The following LMF1 variants were observed in gnomAD, a reference collection of about 807,000 sequenced individuals.
LMF1 encodes the protein transmembrane protein 112.
A neutral mutation model predicts 60.6 loss-of-function variants in LMF1; 68 were observed. The observed-to-expected ratio is 1.12, with a 90% CI of 0.92 to 1.37. The LOEUF (loss-of-function observed/expected upper bound fraction) is 1.37. Among genes scored for constraint, LMF1 ranks in the 40% most tolerant of loss-of-function variants. The pLI, the probability that LMF1 is intolerant of heterozygous loss-of-function variation, is 0.00. For missense variants in LMF1, 948 were observed against 767.2 expected (o/e 1.24, Z -2.78); for synonymous variants, 418 against 324.7 (o/e 1.29, Z -3.09).
chr16:956,972 T>C (rs1396061468), intron 1 of LMF1, among the ~76,000 whole-genome samples: 3 of 151,996 alleles, frequency 2.0e-5, no homozygotes, highest in East Asian at 1.9e-4. Context: ...CTGGCCAATA[T>C]GGCAAAACCC....
intron 2 of LMF1, among the ~76,000 whole-genome samples, chr16:944,008 G>A (rs1232563121): frequency 6.6e-6 from 1 of 152,232 alleles, no homozygotes; most frequent in East Asian, 1.9e-4. Context: ...CTGGTAAGCA[G>A]CTGAGCTACT....
intron 1 of LMF1, chr16:981,103 G>A (rs767888308): frequency 2.4e-5 from 9 of 380,432 alleles, no homozygotes; most frequent in South Asian, 9.2e-5. Context: ...GGGCGGCCCG[G>A]GGTCCCCCAG....
intron 3 of LMF1, among the ~76,000 whole-genome samples, chr16:914,689 T>C (rs1596983822): frequency 1.4e-3 from 4 of 2,844 alleles, no homozygotes; most frequent in African/African-American, 3.8e-3. Context: ...CCCATGACCA[T>C]TGGTGACACA....
chr16:892,784 G>A (rs999998888), intron 5 of LMF1, among the ~76,000 whole-genome samples: 1 of 152,204 alleles, frequency 6.6e-6, no homozygotes. Flanking sequence ...CAAACCAGCT[G>A]CACTCGAGAC....
chr16:869,217 G>A, intron 9 of LMF1, 161 bp from the exon 10 acceptor site: 1 of 672,960 alleles, frequency 1.5e-6, no homozygotes, highest in Non-Finnish European at 2.7e-6. Flanking sequence ...CCCCTTAAGG[G>A]GCTGCCTGCT....
intron 3 of LMF1, among the ~76,000 whole-genome samples, chr16:918,696 T>G (rs2071344790): frequency 6.7e-6 from 1 of 149,100 alleles, no homozygotes; most frequent in East Asian, 1.9e-4. Context: ...CCTTCAGGCC[T>G]TGAGGCACTC....
chr16:924,052 CT>C (rs2071521528), intron 3 of LMF1, among the ~76,000 whole-genome samples: 1 of 152,156 alleles, frequency 6.6e-6, no homozygotes, highest in Non-Finnish European at 1.5e-5. Context: ...CTATAGTTCA[CT>C]ATTTGGCTCA....
At chr16:973,978 C>G (rs1031955252), upstream of LMF1, among the ~76,000 whole-genome samples, 1 of 150,854 alleles carries the variant, frequency 6.6e-6, no homozygotes, top group African/African-American at 2.4e-5. Context: ...CCACTGCCCT[C>G]CAGCCTGGGC....
rs1266539680 is a variant in LMF1 at position 918,971 on chromosome 16, G to A, written c.515-7892C>T. On this transcript the variant is annotated intron_variant, in intron 3 of 10. Coordinates refer to ENST00000262301, the MANE Select transcript of LMF1 (RefSeq NM_022773.4). ...TCTCACTCCCGAGTAGCGGTGGGAC[G>A]AGCTCTCGGCACCTGCTCCTCCCAC... 3.3e-5 allele frequency among the ~76,000 whole-genome samples: 5 copies of A among 152,042 alleles called. No homozygotes were observed. In the South Asian group the frequency reaches 6.2e-4, roughly 19 times the overall value.
intron 10 of LMF1, chr16:855,681 C>A: frequency 2.2e-6 from 1 of 455,804 alleles, no homozygotes; most frequent in Non-Finnish European, 4.4e-6. Context: ...CAGAGCTGGG[C>A]CCCAGCTGCC....
chr16:934,304 C>G (rs746260254), intron 2 of LMF1, 50 bp from the exon 3 acceptor site: 21 of 1,596,448 alleles, frequency 1.3e-5, no homozygotes, highest in Admixed American at 1.7e-5. Context: ...TTGTTTCAAC[C>G]AAAAACCCAC....
chr16:954,147 C>G (rs1474478599), intron 2 of LMF1: 6 of 689,344 alleles, frequency 8.7e-6, no homozygotes, highest in Non-Finnish European at 1.1e-5. Context: ...AGAGCTACTG[C>G]AAAGAGGTGG....
At chr16:978,975 A>T (rs2073256505) in intron 1 of LMF1, 1 of 453,874 alleles carries the variant, frequency 2.2e-6, no homozygotes, top group South Asian at 1.6e-5. Context: ...ATGCTTTCCC[A>T]GACCATCCTT....
At chr16:938,046 A>AAT (rs397817993) in intron 2 of LMF1, among the ~76,000 whole-genome samples, 7 of 117,374 alleles carry the variant, frequency 6.0e-5, no homozygotes, top group Admixed American at 1.7e-4. Context: ...CAAAAAAAAA[A>AAT]TACCACAAAA....
intron 5 of LMF1, among the ~76,000 whole-genome samples, chr16:882,796 A>G (rs2070198151): frequency 6.7e-6 from 1 of 148,960 alleles, no homozygotes; most frequent in Non-Finnish European, 1.5e-5. Context: ...GGACCAGGAG[A>G]AGGAGGAGCC....
At position 870,678 on chromosome 16, in the gene LMF1, TGA is replaced by T. The variant is rs1431920095; in HGVS notation, c.1232+49_1232+50del. 12 of 1,601,430 alleles carry T rather than the reference TGA, an allele frequency of 7.5e-6. No individual in the cohort carries two copies. The African/African-American group carries it at 1.5e-4, about 20-fold the overall frequency. On this transcript the variant is annotated intron_variant, in intron 8 of 10. Coordinates refer to ENST00000262301, the MANE Select transcript of LMF1 (RefSeq NM_022773.4). ...CCACCTGAATGTGGCTGGTCAGGGCTGAGTCTCCCCATATACCCAGCTCCGGG... is the reference window on the plus strand; with the variant it reads ...CCACCTGAATGTGGCTGGTCAGGGCTGTCTCCCCATATACCCAGCTCCGGG...
At chr16:923,445 A>G (rs1008178083) in intron 3 of LMF1, among the ~76,000 whole-genome samples, 1 of 152,118 alleles carries the variant, frequency 6.6e-6, no homozygotes, top group Non-Finnish European at 1.5e-5. Flanking sequence ...CTTGGTCTCT[A>G]AACACCTTCC....
At chr16:958,653 G>C (rs374552278) in intron 1 of LMF1, among the ~76,000 whole-genome samples, 105 of 152,292 alleles carry the variant, frequency 6.9e-4, no homozygotes, top group Admixed American at 2.5e-3. Flanking sequence ...TTGGGAGGCC[G>C]AGGTGGGCAG....
At chr16:923,843 G>A (rs1427654369) in intron 3 of LMF1, among the ~76,000 whole-genome samples, 2 of 152,150 alleles carry the variant, frequency 1.3e-5, no homozygotes, top group African/African-American at 2.4e-5. Context: ...TCTTCACAAA[G>A]TGGAGAGAAA....
Sources: gnomAD v4.1 joint callset for allele counts (sites outside exome capture counted in the v4.1 genomes callset) on GRCh38, gnomAD v4.1.1 for gene constraint, MANE v1.5 for transcripts, NCBI Gene and HGNC (gene_info 2026-07-23, HGNC 2026-07-21) for gene names.